Variants in CCBE1 observed in about 807,000 individuals in gnomAD.
CCBE1 encodes collagen and calcium binding EGF domains 1, also known as collagen and calcium-binding EGF domain-containing protein 1.
CCBE1 carries 37 observed loss-of-function variants against 50.0 expected under a neutral mutation model. The observed-to-expected ratio is 0.74, with a 90% confidence interval of 0.57 to 0.97. The LOEUF is 0.97. CCBE1 is among the 50% of genes least tolerant of loss of function. CCBE1 has a pLI of 0.00. For synonymous variants in CCBE1, 234 were observed against 203.7 expected (o/e 1.15, Z -1.27); for missense variants, 538 against 523.8 (o/e 1.03, Z -0.26).
At chr18:59,634,164 A>G (rs538081514) in intron 2 of CCBE1, among the ~76,000 whole-genome samples, 1 of 152,360 alleles carries the variant, frequency 6.6e-6, no homozygotes, top group African/African-American at 2.4e-5. Context: ...GCAAAATGGA[A>G]ATGAGGCCCT....
In CCBE1 at chr18:59,621,900, C is replaced by T. The variant is rs374312713; in HGVS notation, c.212+74729G>A. On this transcript the variant is annotated intron_variant, in intron 2 of 10. Transcript: ENST00000439986. ...CTGCACAAGTGACAACAGTAGGCAA[C>T]ATACAGATGTCATCCTTGGTGACAG... Among the ~76,000 whole-genome samples the T allele has an allele frequency of 6.3e-4, 96 of 152,340 alleles. 1 individual carries two copies. Among genetic ancestry groups the T allele is most frequent in the African/African-American group, 2.3e-3 (94 of 41,564 alleles).
intron 2 of CCBE1, among the ~76,000 whole-genome samples, chr18:59,508,543 A>G (rs1913985225): frequency 6.6e-6 from 1 of 151,930 alleles, no homozygotes; most frequent in African/African-American, 2.4e-5. Context: ...GTTGCAGTGT[A>G]CTGAGATTAC....
intron 2 of CCBE1, among the ~76,000 whole-genome samples, chr18:59,538,783 G>T (rs898490775): frequency 6.6e-6 from 1 of 152,176 alleles, no homozygotes; most frequent in Non-Finnish European, 1.5e-5. Context: ...CTGGCTTCCT[G>T]GTATTTATGT....
rs187840608 is a variant in CCBE1, at chr18:59,633,013, C to T, written c.212+63616G>A. On this transcript the variant is annotated intron_variant, in intron 2 of 10. Coordinates refer to ENST00000439986, the MANE Select transcript of CCBE1 (RefSeq NM_133459.4). ...TCTGAGACTAATGTTTTTGAAACTGCCTTTAAGCATTCCATGCTTAAGTGA... is the reference window on the plus strand; with the variant it reads ...TCTGAGACTAATGTTTTTGAAACTGTCTTTAAGCATTCCATGCTTAAGTGA... Among the ~76,000 whole-genome samples the T allele has an allele frequency of 7.0e-4, 106 of 152,270 alleles. 1 individual carries two copies. In the Middle Eastern group the frequency reaches 0.027, roughly 39 times the overall value.
intron 2 of CCBE1, among the ~76,000 whole-genome samples, chr18:59,555,281 C>G (rs1402060004): frequency 6.6e-6 from 1 of 152,214 alleles, no homozygotes; most frequent in Non-Finnish European, 1.5e-5. Flanking sequence ...GGGTCCTTAG[C>G]TCTCTTGGGA....
intron 2 of CCBE1, among the ~76,000 whole-genome samples, chr18:59,677,710 A>G (rs1316559738): frequency 6.7e-6 from 1 of 149,976 alleles, no homozygotes; most frequent in Non-Finnish European, 1.5e-5. Flanking sequence ...AAAAAAAAAA[A>G]TTCCCCAGGA....
chr18:59,448,518 C>A (rs1318922704), intron 6 of CCBE1, among the ~76,000 whole-genome samples: 1 of 152,040 alleles, frequency 6.6e-6, no homozygotes, highest in East Asian at 1.9e-4. Context: ...TGGTTCCTGC[C>A]CTTAAAGAAC....
At chr18:59,592,922 A>AG (rs1320047750) in intron 2 of CCBE1, among the ~76,000 whole-genome samples, 3 of 152,212 alleles carry the variant, frequency 2.0e-5, no homozygotes, top group African/African-American at 7.2e-5. Flanking sequence ...ATAAAAAAAA[A>AG]GGAAGGAAAC....
chr18:59,447,788 C>T (rs1244059242), intron 7 of CCBE1, among the ~76,000 whole-genome samples, 195 bp downstream of exon 7: 2 of 152,316 alleles, frequency 1.3e-5, no homozygotes, highest in East Asian at 1.9e-4. Flanking sequence ...TTGCTATTGG[C>T]TATGAGGGTT....
intron 2 of CCBE1, among the ~76,000 whole-genome samples, chr18:59,521,188 T>G (rs1349669204): frequency 2.0e-5 from 3 of 152,216 alleles, no homozygotes; most frequent in African/African-American, 7.2e-5. Context: ...CAAACAAGAA[T>G]TTTTACAAAG....
chr18:59,585,012 CAT>C (rs1344704583), intron 2 of CCBE1, among the ~76,000 whole-genome samples: 2 of 152,120 alleles, frequency 1.3e-5, no homozygotes, highest in African/African-American at 4.8e-5. Flanking sequence ...ATGCAACACA[CAT>C]GTTCTGCCCT....
intron 2 of CCBE1, among the ~76,000 whole-genome samples, chr18:59,498,613 A>G (rs568544748): frequency 3.9e-5 from 6 of 152,230 alleles, no homozygotes; most frequent in Non-Finnish European, 7.3e-5. Context: ...AGCAGGCAAG[A>G]GTAAGAAAAT....
chr18:59,499,288 G>A (rs1913504222), intron 2 of CCBE1, among the ~76,000 whole-genome samples: 1 of 152,144 alleles, frequency 6.6e-6, no homozygotes, highest in South Asian at 2.1e-4. Context: ...CTGACATTGT[G>A]GTGGGAGTGA....
chr18:59,569,863 T>G (rs1394507633), intron 2 of CCBE1, among the ~76,000 whole-genome samples: 1 of 152,196 alleles, frequency 6.6e-6, no homozygotes, highest in Non-Finnish European at 1.5e-5. Context: ...ACTCCTGGCC[T>G]CAAGTGATCC....
At chr18:59,580,548 G>A (rs1476557578) in intron 2 of CCBE1, among the ~76,000 whole-genome samples, 2 of 152,158 alleles carry the variant, frequency 1.3e-5, no homozygotes, top group African/African-American at 2.4e-5. Flanking sequence ...GATATTCAGG[G>A]ATCAGAATCG....
In CCBE1 at chr18:59,590,390, A is replaced by G. The variant is rs143583082; in HGVS notation, c.212+106239T>C. On this transcript the variant is annotated intron_variant, in intron 2 of 10. Transcript: ENST00000439986. ...CTTGAACGGCAAAAAGGTAAACAATAAAAAGATATTCCTTGTTCTTGGGCT... is the reference window on the plus strand; with the variant it reads ...CTTGAACGGCAAAAAGGTAAACAATGAAAAGATATTCCTTGTTCTTGGGCT... Among the ~76,000 whole-genome samples the G allele has an allele frequency of 2.1e-3, 315 of 152,334 alleles. 4 individuals carry two copies. The East Asian group carries it at 0.032, about 15-fold the overall frequency.
chr18:59,448,775 A>G (rs1910798748), intron 6 of CCBE1, among the ~76,000 whole-genome samples: 1 of 152,238 alleles, frequency 6.6e-6, no homozygotes, highest in Non-Finnish European at 1.5e-5. Flanking sequence ...GTTACTCAGA[A>G]TTCAGTAGGG....
chr18:59,472,445 C>G (rs1297224111), intron 3 of CCBE1, among the ~76,000 whole-genome samples: 5 of 152,216 alleles, frequency 3.3e-5, no homozygotes, highest in Admixed American at 1.3e-4. Context: ...ACAAATTGAT[C>G]ACTGATTCAT....
Position 59,448,202 on chromosome 18 carries a change from A to T in CCBE1, c.655-99T>A, listed in dbSNP as rs1910773427. ...AAGCTGCAAAGCCTTTTCATGAGAC[A>T]TATGTATATACTTTTTACTAGAGCT... is the stretch of plus-strand genomic sequence containing the variant. On this transcript the variant is annotated intron_variant, in intron 6 of 10. Transcript: ENST00000439986. 2.0e-6 allele frequency: 3 copies of T among 1,527,002 alleles called. No individual in the cohort carries two copies. The East Asian group carries it at 6.9e-5, about 35-fold the overall frequency. The allele number at this position is 1,527,002 out of a possible 1,614,324, so 94.6% of individuals were successfully genotyped here. A position where few individuals can be genotyped will look rare whatever the true frequency, so the allele number is the denominator to read the frequency against.
Sources: allele counts gnomAD v4.1 joint callset (sites outside exome capture counted in the v4.1 genomes callset), GRCh38; gene constraint gnomAD v4.1.1; transcripts MANE v1.5; gene names NCBI Gene and HGNC (gene_info 2026-07-23, HGNC 2026-07-21).